Variants in NEDD4L observed in about 807,000 individuals in gnomAD.
NEDD4L encodes the protein E3 ubiquitin-protein ligase NEDD4-like.
A neutral mutation model predicts 148.9 loss-of-function variants in NEDD4L; 54 were observed. The observed-to-expected ratio is 0.36, with a 90% CI of 0.29 to 0.45. The LOEUF is 0.45. Ranked by LOEUF, NEDD4L falls within the 20% of genes least tolerant of loss-of-function variation. The pLI, the probability that NEDD4L is intolerant of heterozygous loss-of-function variation, is 1.00. For synonymous variants in NEDD4L, 433 were observed against 440.7 expected (o/e 0.98, Z 0.22); for missense variants, 856 against 1,233.8 (o/e 0.69, Z 4.59).
chr18:58,185,988 G>C (rs1267037721), intron 2 of NEDD4L, among the ~76,000 whole-genome samples: 1 of 151,958 alleles, frequency 6.6e-6, no homozygotes, highest in African/African-American at 2.4e-5. Flanking sequence ...ATATGCACAC[G>C]TACAGAGAAG....
intron 27 of NEDD4L, 110 bp from the exon 28 acceptor site, chr18:58,388,975 T>C: frequency 2.4e-6 from 2 of 820,680 alleles, no homozygotes; most frequent in South Asian, 2.9e-5. Flanking sequence ...TTTGCTAGCT[T>C]ACCTTCGCGG....
rs767256610 is a variant in NEDD4L, at chr18:58,370,467, G to A, written c.2256G>A (p.Val752=). 1 of 1,598,340 alleles carries A rather than the reference G, an allele frequency of 6.3e-7. No individual in the cohort carries two copies. The highest frequency in any genetic ancestry group is 8.6e-7 in the Non-Finnish European group (1 of 1,165,562). Residue 752 remains valine, a splice_region_variant and synonymous_variant, in exon 23 of 31, where the codon GTG becomes GTA. Transcript: ENST00000400345. ...KQITLNDMES[V]DSEYYNSLKW... is the part of the protein sequence containing the mutation. ...TAACCCTGAATGACATGGAATCTGT[G>A]GTAAGTAAATGCACGTCACACACTG... is the stretch of plus-strand genomic sequence containing the variant.
Position 58,333,826 on chromosome 18 carries a change from A to G in NEDD4L, c.999A>G (p.Glu333=), listed in dbSNP as rs1464296156. 1 of 1,613,332 alleles carries G rather than the reference A, an allele frequency of 6.2e-7. No individual in the cohort carries two copies. Among genetic ancestry groups the G allele is most frequent in the Non-Finnish European group, 8.5e-7 (1 of 1,179,494 alleles). ...GEQFSSLIQR[E]PSSRLRSCSV... ...TTTTCCTCTCCTTCCAGCAAAGAGA[A>G]CCCTCCTCAAGGTTGAGGTCATGCA... The change falls in exon 12 of 31, where the codon GAA becomes GAG. Residue 333 remains glutamate (E), a synonymous_variant. Transcript: ENST00000400345.
chr18:58,189,555 A>G (rs956001773), intron 2 of NEDD4L, among the ~76,000 whole-genome samples: 1 of 152,154 alleles, frequency 6.6e-6, no homozygotes, highest in Non-Finnish European at 1.5e-5. Flanking sequence ...CAGCTTAAGG[A>G]GTTAGCAGCC....
intron 5 of NEDD4L, among the ~76,000 whole-genome samples, chr18:58,281,018 C>T (rs1434340565): frequency 6.6e-6 from 1 of 152,074 alleles, no homozygotes; most frequent in Non-Finnish European, 1.5e-5. Flanking sequence ...CTCTGTTGCC[C>T]AGGCTGGAGT....
chr18:58,096,903 TTG>T (rs1475833726), intron 1 of NEDD4L, among the ~76,000 whole-genome samples: 20 of 152,310 alleles, frequency 1.3e-4, no homozygotes, highest in Admixed American at 3.9e-4. Context: ...ATCTTTATCA[TTG>T]TGCTAAATTG....
intron 1 of NEDD4L, among the ~76,000 whole-genome samples, chr18:58,108,260 A>G (rs1485795460): frequency 6.6e-6 from 1 of 152,230 alleles, no homozygotes; most frequent in African/African-American, 2.4e-5. Context: ...ATCACAGTAC[A>G]GTTCTTATCA....
At chr18:58,145,312 C>T (rs1485209880) in intron 1 of NEDD4L, among the ~76,000 whole-genome samples, 1 of 152,188 alleles carries the variant, frequency 6.6e-6, no homozygotes, top group Admixed American at 6.5e-5. Flanking sequence ...GACTACGTGA[C>T]AGTCTGAAGA....
Position 58,398,795 on chromosome 18 carries a change from T to C in NEDD4L, c.*2526T>C, listed in dbSNP as rs1028924470. ...ATCGTGATGACCACACCCAGTCATC[T>C]TCACAGCATAATTGCAGGTGGCAGT... On this transcript the variant is annotated 3_prime_UTR_variant, in exon 31 of 31. Coordinates refer to ENST00000400345, the MANE Select transcript of NEDD4L (RefSeq NM_001144967.3). 2 of 152,270 alleles carry C rather than the reference T, an allele frequency of 1.3e-5. No individual in the cohort carries two copies. Among genetic ancestry groups the C allele is most frequent in the Non-Finnish European group, 2.9e-5 (2 of 68,056 alleles). The allele number at this position is 152,270 out of a possible 1,614,324, so 9.4% of individuals were successfully genotyped here.
intron 18 of NEDD4L, among the ~76,000 whole-genome samples, chr18:58,355,104 A>T (rs1018248805): frequency 6.6e-6 from 1 of 152,010 alleles, no homozygotes; most frequent in Non-Finnish European, 1.5e-5. Flanking sequence ...GAGGGGAGGG[A>T]TGGGGTCGAA....
At chr18:58,369,057 G>A (rs1218261724) in intron 22 of NEDD4L, among the ~76,000 whole-genome samples, 2 of 152,324 alleles carry the variant, frequency 1.3e-5, no homozygotes, top group African/African-American at 2.4e-5. Context: ...TTAGCGGGGG[G>A]AAAAGAGATG....
chr18:58,322,308 A>G (rs1292485891), intron 6 of NEDD4L, 117 bp from the exon 7 acceptor site: 2 of 750,038 alleles, frequency 2.7e-6, no homozygotes, highest in Admixed American at 4.1e-5. Context: ...GAAGAAACAC[A>G]TTCAGCGGTG....
intron 19 of NEDD4L, chr18:58,357,553 CT>C: frequency 1.8e-6 from 1 of 556,610 alleles, no homozygotes. Context: ...CCCTCCCTTC[CT>C]TTTTATATGA....
rs530675888 is a variant in NEDD4L at position 58,109,640 on chromosome 18, C to T, written c.49-56148C>T. On this transcript the variant is annotated intron_variant, in intron 1 of 30. Coordinates refer to ENST00000400345, the MANE Select transcript of NEDD4L (RefSeq NM_001144967.3). ...AGGCTGGAGTGCAGTGGCATGATCT[C>T]GGCTCACTCAACCTCTGCCTCCTGG... Among the ~76,000 whole-genome samples, 6 of 144,966 alleles carry T rather than the reference C, an allele frequency of 4.1e-5. No homozygotes were observed. In the South Asian group the frequency reaches 8.7e-4, roughly 21 times the overall value.
chr18:58,393,152 T>C (rs1287123536), intron 30 of NEDD4L, among the ~76,000 whole-genome samples: 2 of 152,234 alleles, frequency 1.3e-5, no homozygotes, highest in Admixed American at 6.5e-5. Context: ...TCAGCCCATG[T>C]TTCTCTGTGA....
intron 1 of NEDD4L, among the ~76,000 whole-genome samples, chr18:58,087,876 A>G (rs2083844802): frequency 6.6e-6 from 1 of 152,208 alleles, no homozygotes; most frequent in African/African-American, 2.4e-5. Flanking sequence ...CTCCATCTCA[A>G]AACAAACAAA....
chr18:58,094,176 T>A (rs907619251), intron 1 of NEDD4L, among the ~76,000 whole-genome samples: 1 of 151,954 alleles, frequency 6.6e-6, no homozygotes, highest in Non-Finnish European at 1.5e-5. Flanking sequence ...CCCCTTTTTT[T>A]TTTTTAATTT....
At chr18:58,083,698 A>AAAC (rs2083591212) in intron 1 of NEDD4L, among the ~76,000 whole-genome samples, 2 of 64,518 alleles carry the variant, frequency 3.1e-5, no homozygotes, top group Non-Finnish European at 6.6e-5. Flanking sequence ...AAAAAACAAA[A>AAAC]AAAACAAAAC....
intron 5 of NEDD4L, among the ~76,000 whole-genome samples, chr18:58,269,620 G>A (rs2050736503): frequency 6.6e-6 from 1 of 152,050 alleles, no homozygotes; most frequent in South Asian, 2.1e-4. Flanking sequence ...TGTATTGCTT[G>A]GGAGAGGAGG....
Sources: allele counts gnomAD v4.1 joint callset (sites outside exome capture counted in the v4.1 genomes callset), GRCh38; gene constraint gnomAD v4.1.1; transcripts MANE v1.5; gene names NCBI Gene and HGNC (gene_info 2026-07-23, HGNC 2026-07-21).